GAPT: variants seen among roughly 807,000 people sequenced by gnomAD.
GAPT encodes the protein protein GAPT.
For missense variants in GAPT, 206 were observed against 189.2 expected, an observed-to-expected ratio of 1.09 and a Z score of -0.52; for synonymous variants, 82 against 69.7, an observed-to-expected ratio of 1.18 and a Z score of -0.88.
Position 58,496,272 on chromosome 5 carries a change from C to T in GAPT, c.*1262C>T, listed in dbSNP as rs1744447275. On this transcript the variant is annotated 3_prime_UTR_variant, in exon 3 of 3. Transcript: ENST00000502276. ...ACATCACATAAGGCACTAAATGCCTCATGTTTTACTGACGGGAATTGAATT... is the reference window on the plus strand; with the variant it reads ...ACATCACATAAGGCACTAAATGCCTTATGTTTTACTGACGGGAATTGAATT... 1.2e-5 allele frequency: 2 copies of T among 163,448 alleles called. No individual in the cohort carries two copies. The highest frequency in any genetic ancestry group is 1.3e-4 in the Admixed American group (2 of 15,284). The allele number at this position is 163,448 out of a possible 1,614,324, so 10.1% of individuals were successfully genotyped here. A position where few individuals can be genotyped will look rare whatever the true frequency, so the allele number is the denominator to read the frequency against.
chr5:58,494,638 A>C lies in GAPT; in HGVS notation c.102A>C (p.Lys34Asn). Residue 34 changes from lysine (K) to asparagine (N), a missense_variant, in exon 3 of 3, where the codon AAA becomes AAC. Transcript: ENST00000502276. The stretch of plus-strand genomic sequence containing the variant: ...GAATTGGGTGTGTTTGGCACTGGAA[A>C]CACCGTGTTGCCACACGATTTACCT... ...VCGIGCVWHW[K>N]HRVATRFTLP... 2 of 1,614,048 alleles carry C rather than the reference A, an allele frequency of 1.2e-6. No homozygotes were observed. Among genetic ancestry groups the C allele is most frequent in the Non-Finnish European group, 1.7e-6 (2 of 1,179,964 alleles).
In GAPT at chr5:58,494,874, A is replaced by T. The variant is rs533192846; in HGVS notation, c.338A>T (p.Glu113Val). The T allele has an allele frequency of 2.5e-5, 40 of 1,614,028 alleles. No homozygotes were observed. The South Asian group carries it at 4.2e-4, about 17-fold the overall frequency. Residue 113 changes from glutamate (E) to valine (V), a missense_variant, in exon 3 of 3, where the codon GAA becomes GTA. By Grantham distance (121) the Glu-to-Val change is moderately radical. Transcript: ENST00000502276. ...GGAAAAACCGATAAGGAACTATATG[A>T]AAACACAGGGCAGTCTAATTTCGAG... ...AKGKTDKELY[E>V]NTGQSNFEEH...
In GAPT at chr5:58,495,907, T is replaced by C. The variant is rs1267828552; in HGVS notation, c.*897T>C. On this transcript the variant is annotated 3_prime_UTR_variant, in exon 3 of 3. Transcript: ENST00000502276. The stretch of plus-strand genomic sequence containing the variant: ...CTCCAAAATTTATGGTTTTCCACAA[T>C]TGGTTCCAATTCACTTTTCCAGTGA... The C allele has an allele frequency of 6.0e-6, 1 of 167,078 alleles. No homozygotes were observed. The highest frequency in any genetic ancestry group is 1.5e-5 in the Non-Finnish European group (1 of 68,120). The allele number at this position is 167,078 out of a possible 1,614,324, so 10.3% of individuals were successfully genotyped here. A position where few individuals can be genotyped will look rare whatever the true frequency, so the allele number is the denominator to read the frequency against.
In GAPT at chr5:58,494,361, A is replaced by G. The variant is rs1241180009; in HGVS notation, c.-176A>G. The G allele has an allele frequency of 8.5e-5, 48 of 567,410 alleles. No individual in the cohort carries two copies. Among genetic ancestry groups the G allele is most frequent in the Middle Eastern group, 4.5e-4 (1 of 2,222 alleles). The allele number at this position is 567,410 out of a possible 1,614,324, so 35.1% of individuals were successfully genotyped here. On this transcript the variant is annotated 5_prime_UTR_variant, in exon 3 of 3. Transcript: ENST00000502276. ...CCATCTTCCAGAAATAAGTTTATAC[A>G]CTCTCTCCTCTAATTGCATCAGGAC...
Position 58,496,123 on chromosome 5 carries a change from A to G in GAPT, c.*1113A>G. The G allele has an allele frequency of 6.0e-6, 1 of 166,972 alleles. No individual in the cohort carries two copies. The allele number at this position is 166,972 out of a possible 1,614,324, so 10.3% of individuals were successfully genotyped here. The stretch of plus-strand genomic sequence containing the variant: ...TTTTTATTTTCTGATATAAGCTTTG[A>G]TGCCTCTTCAATTCTTAGGACATTT... On this transcript the variant is annotated 3_prime_UTR_variant, in exon 3 of 3. Transcript: ENST00000502276.
At chr5:58,491,918 T>C (rs1256574268) in intron 1 of GAPT, among the ~76,000 whole-genome samples, 1 of 152,192 alleles carries the variant, frequency 6.6e-6, no homozygotes, top group Non-Finnish European at 1.5e-5. Context: ...TTAAACTATA[T>C]TTGAATGGTT....
Position 58,495,172 on chromosome 5 carries a change from C to T in GAPT, c.*162C>T. On this transcript the variant is annotated 3_prime_UTR_variant, in exon 3 of 3. Coordinates refer to ENST00000502276, the MANE Select transcript of GAPT (RefSeq NM_001304431.2). The stretch of plus-strand genomic sequence containing the variant: ...ATATTATGCAGCCGTAAAAAAAGAA[C>T]AAAACTAACATGGGAACAGAAAATC... The T allele has an allele frequency of 1.8e-6, 1 of 568,144 alleles. No individual in the cohort carries two copies. The highest frequency in any genetic ancestry group is 2.4e-5 in the South Asian group (1 of 41,430). The allele number at this position is 568,144 out of a possible 1,614,324, so 35.2% of individuals were successfully genotyped here. A position where few individuals can be genotyped will look rare whatever the true frequency, so the allele number is the denominator to read the frequency against.
In GAPT at chr5:58,491,804, A is replaced by C. The variant is rs536463088; in HGVS notation, c.-419+263A>C. ...TCCTGAAGTTTCTCAACAATTTGCGATTTTAAGAAAAATGTCAAATTGTTA... is the reference window on the plus strand; with the variant it reads ...TCCTGAAGTTTCTCAACAATTTGCGCTTTTAAGAAAAATGTCAAATTGTTA... On this transcript the variant is annotated intron_variant, in intron 1 of 2. Transcript: ENST00000502276. 2.0e-5 allele frequency among the ~76,000 whole-genome samples: 3 copies of C among 152,306 alleles called. No individual in the cohort carries two copies. The South Asian group carries it at 6.2e-4, about 32-fold the overall frequency.
Position 58,491,671 on chromosome 5 carries a change from G to C in GAPT, c.-419+130G>C, listed in dbSNP as rs897352412. On this transcript the variant is annotated intron_variant, in intron 1 of 2. Coordinates refer to ENST00000502276, the MANE Select transcript of GAPT (RefSeq NM_001304431.2). ...AAAATGCCTTACGTAGCTGTAAGGG[G>C]GAAACCCAATTTACAAACTGAGAGT... The C allele has an allele frequency of 2.6e-5, 4 of 152,108 alleles. No individual in the cohort carries two copies. In the East Asian group the frequency reaches 7.7e-4, roughly 29 times the overall value. The allele number at this position is 152,108 out of a possible 1,614,324, so 9.4% of individuals were successfully genotyped here.
In GAPT at chr5:58,494,596, A is replaced by G. The variant is rs1465340849; in HGVS notation, c.60A>G (p.Leu20=). 1.2e-6 allele frequency: 2 copies of G among 1,613,408 alleles called. No homozygotes were observed. Among genetic ancestry groups the G allele is most frequent in the South Asian group, 1.1e-5 (1 of 91,020 alleles). ...AAISVGISLL[L]LLVVCGIGCV... ...TTTCTGTAGGAATTTCGCTTCTTTT[A>G]CTCTTAGTGGTTTGTGGAATTGGGT... Residue 20 remains leucine, a synonymous_variant, in exon 3 of 3, where the codon TTA becomes TTG. Coordinates refer to ENST00000502276, the MANE Select transcript of GAPT (RefSeq NM_001304431.2).
Position 58,496,553 on chromosome 5 carries a change from C to T in GAPT, c.*1543C>T, listed in dbSNP as rs1229008006. On this transcript the variant is annotated 3_prime_UTR_variant, in exon 3 of 3. Coordinates refer to ENST00000502276, the MANE Select transcript of GAPT (RefSeq NM_001304431.2). The stretch of plus-strand genomic sequence containing the variant: ...AAGCTATGATAGCTCATCTCTAAAT[C>T]CACTCTTTTATTTGCTCCTCTGAAT... 6.0e-6 allele frequency: 1 copy of T among 167,080 alleles called. No individual in the cohort carries two copies. The highest frequency in any genetic ancestry group is 1.9e-4 in the East Asian group (1 of 5,192). The allele number at this position is 167,080 out of a possible 1,614,324, so 10.3% of individuals were successfully genotyped here.
rs542617050 is a variant in GAPT, at chr5:58,496,944, G to T, written c.*1934G>T. 1 of 167,184 alleles carries T rather than the reference G, an allele frequency of 6.0e-6. No individual in the cohort carries two copies. The highest frequency in any genetic ancestry group is 2.4e-5 in the African/African-American group (1 of 41,562). The allele number at this position is 167,184 out of a possible 1,614,324, so 10.4% of individuals were successfully genotyped here. A position where few individuals can be genotyped will look rare whatever the true frequency, so the allele number is the denominator to read the frequency against. On this transcript the variant is annotated 3_prime_UTR_variant, in exon 3 of 3. Coordinates refer to ENST00000502276, the MANE Select transcript of GAPT (RefSeq NM_001304431.2). ...CAGAGTTCTGCGTCCCAGCCTGGCA[G>T]GGCTCCTCCTCTGAGGTCTGGTAAC...
In GAPT at chr5:58,496,947, C is replaced by T. The variant is rs1409688961; in HGVS notation, c.*1937C>T. ...AGTTCTGCGTCCCAGCCTGGCAGGG[C>T]TCCTCCTCTGAGGTCTGGTAACTCT... is the stretch of plus-strand genomic sequence containing the variant. On this transcript the variant is annotated 3_prime_UTR_variant, in exon 3 of 3. Coordinates refer to ENST00000502276, the MANE Select transcript of GAPT (RefSeq NM_001304431.2). 1 of 167,076 alleles carries T rather than the reference C, an allele frequency of 6.0e-6. No homozygotes were observed. Among genetic ancestry groups the T allele is most frequent in the African/African-American group, 2.4e-5 (1 of 41,448 alleles). The allele number at this position is 167,076 out of a possible 1,614,324, so 10.3% of individuals were successfully genotyped here. A position where few individuals can be genotyped will look rare whatever the true frequency, so the allele number is the denominator to read the frequency against.
rs1224004139 is a variant in GAPT at position 58,494,715 on chromosome 5, C to T, written c.179C>T (p.Thr60Ile). Residue 60 changes from threonine to isoleucine, a missense_variant, in exon 3 of 3, where the codon ACA becomes ATA. Transcript: ENST00000502276. ...AGCAGGAGAAAAGTCTGTACTAAAA[C>T]ATTCTTGGGCCCCCGCATCATTGGC... ...RSSRRKVCTK[T>I]FLGPRIIGLR... is the part of the protein sequence containing the mutation. 6 of 1,613,978 alleles carry T rather than the reference C, an allele frequency of 3.7e-6. No homozygotes were observed. The highest frequency in any genetic ancestry group is 4.2e-6 in the Non-Finnish European group (5 of 1,179,966).
At position 58,495,067 on chromosome 5, in the gene GAPT, AC is replaced by A. The variant is rs1744409153; in HGVS notation, c.*58del. 1 of 1,117,246 alleles carries A rather than the reference AC, an allele frequency of 9.0e-7. No individual in the cohort carries two copies. The highest frequency in any genetic ancestry group is 1.3e-6 in the Non-Finnish European group (1 of 775,808). 69.2% of individuals were successfully genotyped at this position (1,117,246 alleles called of 1,614,324 possible). A position where few individuals can be genotyped will look rare whatever the true frequency, so the allele number is the denominator to read the frequency against. Reference sequence around the variant, plus strand: ...GATAAATATTCACTGTAATTTTTCAACAGCAAAGACAAGGAATCAAACTAAA... The same window carrying A: ...GATAAATATTCACTGTAATTTTTCAAAGCAAAGACAAGGAATCAAACTAAA... On this transcript the variant is annotated 3_prime_UTR_variant, in exon 3 of 3. Transcript: ENST00000502276.
Position 58,494,772 on chromosome 5 carries a change from AC to A in GAPT, c.238del (p.His80ThrfsTer84). The A allele has an allele frequency of 1.2e-6, 2 of 1,614,000 alleles. No individual in the cohort carries two copies. The highest frequency in any genetic ancestry group is 2.2e-5 in the South Asian group (2 of 91,086). ...CATGAAATCTCAGTTGAAACCCAAG[AC>A]CACAAATCTGCTGTCAGGGGAAATA... ...LRHEISVETQ[D>X]HKSAVRGNNT... On this transcript the variant is annotated frameshift_variant, in exon 3 of 3. Transcript: ENST00000502276. LOFTEE classifies it low-confidence loss of function (END_TRUNC).
At position 58,494,484 on chromosome 5, in the gene GAPT, G is replaced by A; in HGVS notation, c.-53G>A. ...ATACTAGGCTACAAAGAATTACACTGTGAATTCATTAAGGGTAACACCAAA... is the reference window on the plus strand; with the variant it reads ...ATACTAGGCTACAAAGAATTACACTATGAATTCATTAAGGGTAACACCAAA... On this transcript the variant is annotated 5_prime_UTR_variant, in exon 3 of 3. The change creates a new upstream start codon in the 5' untranslated region. Transcript: ENST00000502276. The A allele has an allele frequency of 2.9e-6, 4 of 1,395,818 alleles. No homozygotes were observed. The highest frequency in any genetic ancestry group is 3.9e-6 in the Non-Finnish European group (4 of 1,018,274). 86.5% of individuals were successfully genotyped at this position (1,395,818 alleles called of 1,614,324 possible).
At chr5:58,491,881 C>A (rs1744267811) in intron 1 of GAPT, among the ~76,000 whole-genome samples, 1 of 152,110 alleles carries the variant, frequency 6.6e-6, no homozygotes, top group Non-Finnish European at 1.5e-5. Flanking sequence ...TTCTTTCAAA[C>A]TGGTCAAAGT....
chr5:58,493,018 AC>A (rs1744301553), intron 1 of GAPT, among the ~76,000 whole-genome samples: 1 of 152,172 alleles, frequency 6.6e-6, no homozygotes, highest in South Asian at 2.1e-4. Context: ...GGAAATTTTT[AC>A]CTGAATTCTC....
Sources: allele counts gnomAD v4.1 joint callset (sites outside exome capture counted in the v4.1 genomes callset), GRCh38; gene constraint gnomAD v4.1.1; transcripts MANE v1.5; gene names NCBI Gene and HGNC (gene_info 2026-07-23, HGNC 2026-07-21).